MORN1: variants seen among roughly 807,000 people sequenced by gnomAD.
MORN1 encodes the protein MORN repeat-containing protein 1.
Under a neutral mutation model 61.9 loss-of-function variants are expected in MORN1, and 67 were observed. That is an observed-to-expected ratio of 1.08 (90% CI 0.89 to 1.33). The LOEUF is 1.33. Among genes scored for constraint, MORN1 ranks in the 40% most tolerant of loss-of-function variants. The probability of loss-of-function intolerance (pLI) is 0.00; values close to 1 mark genes in which losing one functional copy is unlikely to be tolerated. For missense variants in MORN1, 752 were observed against 691.2 expected, an observed-to-expected ratio of 1.09 and a Z score of -0.99; for synonymous variants, 301 against 292.0, an observed-to-expected ratio of 1.03 and a Z score of -0.31.
At chr1:2,339,466 G>A (rs529734441) in intron 10 of MORN1, among the ~76,000 whole-genome samples, 102 of 152,302 alleles carry the variant, frequency 6.7e-4, no homozygotes, top group African/African-American at 2.0e-3. Context: ...GGCCGGCACC[G>A]CACCCGCCAG....
chr1:2,326,489 A>T (rs552863377), intron 12 of MORN1: 1 of 152,338 alleles, frequency 6.6e-6, no homozygotes, highest in East Asian at 1.9e-4. Flanking sequence ...ATTTGCAGGC[A>T]TCGGTGCCCC....
Position 2,388,338 on chromosome 1 carries a change from C to G in MORN1, c.149-1G>C. ...TCTTTAAATAACAACTTCCCGTGAC[C>G]TGGCAGGAGAAATCGTCACGTGAAC... is the stretch of plus-strand genomic sequence containing the variant. On this transcript the variant is annotated splice_acceptor_variant, in intron 2 of 13. Coordinates refer to ENST00000378531, the MANE Select transcript of MORN1 (RefSeq NM_024848.3). LOFTEE classifies it high-confidence loss of function. 1 of 1,613,320 alleles carries G rather than the reference C, an allele frequency of 6.2e-7. No homozygotes were observed. The highest frequency in any genetic ancestry group is 2.2e-5 in the East Asian group (1 of 44,884).
chr1:2,322,751 T>A (rs1569896234), intron 13 of MORN1: 18 of 985,402 alleles, frequency 1.8e-5, no homozygotes, highest in Non-Finnish European at 2.2e-5. Flanking sequence ...ATACCAGTGG[T>A]GGCCAAGGCG....
intron 8 of MORN1, chr1:2,371,321 CTG>C (rs1642118470): frequency 6.6e-6 from 1 of 152,238 alleles, no homozygotes; most frequent in Admixed American, 6.5e-5. Context: ...GTGTGAGCCA[CTG>C]TGCCTGACTG....
At chr1:2,371,424 A>C (rs1248481501) in intron 8 of MORN1, 1 of 152,194 alleles carries the variant, frequency 6.6e-6, no homozygotes, top group Non-Finnish European at 1.5e-5. Flanking sequence ...AGCGAGAGCC[A>C]CTCATCGTCA....
At position 2,357,155 on chromosome 1, in the gene MORN1, A is replaced by G. The variant is rs1641792696; in HGVS notation, c.1036+277T>C. ...GTGAGTCTGCTGCCCTCAGCCAAGT[A>G]GACCCAGAACTCTGCCCTGAGGACC... On this transcript the variant is annotated intron_variant, in intron 10 of 13. Coordinates refer to ENST00000378531, the MANE Select transcript of MORN1 (RefSeq NM_024848.3). The surrounding 1 kb of genome is among the most constrained non-coding windows in gnomAD (Gnocchi z 6.3). 6.6e-6 allele frequency among the ~76,000 whole-genome samples: 1 copy of G among 152,164 alleles called. No individual in the cohort carries two copies. The highest frequency in any genetic ancestry group is 2.1e-4 in the South Asian group (1 of 4,832).
intron 12 of MORN1, among the ~76,000 whole-genome samples, chr1:2,327,111 C>T (rs1641043469): frequency 6.7e-6 from 1 of 148,994 alleles, no homozygotes; most frequent in African/African-American, 2.5e-5. Flanking sequence ...CAGAAACACA[C>T]AGAAACACAG....
intron 10 of MORN1, among the ~76,000 whole-genome samples, chr1:2,347,165 C>A (rs994637702): frequency 9.2e-5 from 14 of 152,224 alleles, no homozygotes; most frequent in African/African-American, 2.9e-4. Context: ...CGCCCCCACA[C>A]AGCTTTGCTG....
rs528421055 is a variant in MORN1, at chr1:2,372,272, T to G, written c.745+209A>C. On this transcript the variant is annotated intron_variant, in intron 8 of 13. Transcript: ENST00000378531. This position sits in a 1 kb window ranked among gnomAD's most constrained non-coding sequence, Gnocchi z 5.4. ...AGGAGCACGCACATCACACAATATG[T>G]GCACACATGCTTGCACACACACCCA... 19 of 552,962 alleles carry G rather than the reference T, an allele frequency of 3.4e-5. No individual in the cohort carries two copies. In the East Asian group the frequency reaches 5.9e-4, roughly 17 times the overall value. 34.3% of individuals were successfully genotyped at this position (552,962 alleles called of 1,614,324 possible). A position where few individuals can be genotyped will look rare whatever the true frequency, so the allele number is the denominator to read the frequency against.
At chr1:2,331,844 GCTCTCCCGCCC>G in intron 12 of MORN1, among the ~76,000 whole-genome samples, 1 of 84,120 alleles carries the variant, frequency 1.2e-5, no homozygotes, top group East Asian at 3.9e-4. Context: ...CCCTCGTGCG[GCTCTCCCGCCC>G]CTGCGCCTCT....
chr1:2,358,520 C>G, intron 9 of MORN1, 72 bp downstream of exon 9: 1 of 1,593,972 alleles, frequency 6.3e-7, no homozygotes, highest in Non-Finnish European at 8.6e-7. Flanking sequence ...GAAAAAAGGA[C>G]AAGGAATTAA....
At chr1:2,385,741 C>A in intron 5 of MORN1, 66 bp downstream of exon 5, 1 of 1,462,546 alleles carries the variant, frequency 6.8e-7, no homozygotes, top group Non-Finnish European at 9.6e-7. Context: ...CCCCAGGCCA[C>A]ATGGCCTCAC....
At chr1:2,322,378 T>C (rs1002223795) in intron 13 of MORN1, 3 of 985,270 alleles carry the variant, frequency 3.0e-6, no homozygotes, top group Non-Finnish European at 3.6e-6. Context: ...AGGAGTCGGC[T>C]CACACCGCAA....
At position 2,334,349 on chromosome 1, in the gene MORN1, G is replaced by A. The variant is rs60646142; in HGVS notation, c.1250+2120C>T. Among the ~76,000 whole-genome samples, 552 of 152,266 alleles carry A rather than the reference G, an allele frequency of 3.6e-3. 3 individuals carry two copies. Among genetic ancestry groups the A allele is most frequent in the African/African-American group, 0.012 (504 of 41,526 alleles). ...ACAGGCCCAGGTTTGTCTCTAAGTCGCTGCCGCCCCATGATCCATGGCGGA... is the reference window on the plus strand; with the variant it reads ...ACAGGCCCAGGTTTGTCTCTAAGTCACTGCCGCCCCATGATCCATGGCGGA... On this transcript the variant is annotated intron_variant, in intron 12 of 13. Coordinates refer to ENST00000378531, the MANE Select transcript of MORN1 (RefSeq NM_024848.3). This position sits in a 1 kb window ranked among gnomAD's most constrained non-coding sequence, Gnocchi z 5.4.
At chr1:2,389,858 CG>C in intron 2 of MORN1, 66 bp downstream of exon 2, 1 of 1,469,696 alleles carries the variant, frequency 6.8e-7, no homozygotes, top group Non-Finnish European at 9.5e-7. Context: ...CCCAACCTCC[CG>C]GGGAGAAACT....
At chr1:2,341,723 G>T (rs1031623491) in intron 10 of MORN1, among the ~76,000 whole-genome samples, 46 of 151,840 alleles carry the variant, frequency 3.0e-4, no homozygotes, top group Non-Finnish European at 4.0e-4. Context: ...AAAAGAAAAG[G>T]CTAAAAGTCT....
intron 12 of MORN1, among the ~76,000 whole-genome samples, chr1:2,333,356 C>T (rs945910049): frequency 6.6e-6 from 1 of 152,200 alleles, no homozygotes; most frequent in Non-Finnish European, 1.5e-5. Flanking sequence ...AGCCTCCTCC[C>T]CATTATGGAA....
intron 10 of MORN1, chr1:2,355,090 C>T (rs1641732955): frequency 1.0e-5 from 10 of 957,464 alleles, no homozygotes; most frequent in African/African-American, 1.8e-5. Flanking sequence ...GGGGGGCCCG[C>T]GCGGGGTAGG....
intron 8 of MORN1, chr1:2,371,430 C>G (rs1425804292): frequency 6.6e-6 from 1 of 152,216 alleles, no homozygotes; most frequent in Admixed American, 6.5e-5. Context: ...AGCCACTCAT[C>G]GTCATCACTC....
Sources: gnomAD v4.1 joint callset for allele counts (sites outside exome capture counted in the v4.1 genomes callset) on GRCh38, gnomAD v4.1.1 for gene constraint, Gnocchi (gnomAD v3.1) non-coding constraint, MANE v1.5 for transcripts, NCBI Gene and HGNC (gene_info 2026-07-23, HGNC 2026-07-21) for gene names.